ANKRD16: variants seen among roughly 807,000 people sequenced by gnomAD.
ANKRD16 encodes the protein ankyrin repeat domain 16, also known as ankyrin repeat domain-containing protein 16.
ANKRD16 carries 35 observed loss-of-function variants against 37.9 expected under a neutral mutation model. The observed-to-expected ratio is 0.92, with a 90% CI of 0.71 to 1.23. The LOEUF (loss-of-function observed/expected upper bound fraction) is 1.23, where lower values mean the gene tolerates loss of function less well. Among genes scored for constraint, ANKRD16 ranks in the 50% most tolerant of loss-of-function variants. The pLI is 0.00. For synonymous variants in ANKRD16, 206 were observed against 197.2 expected (o/e 1.04, Z -0.37); for missense variants, 480 against 469.9 (o/e 1.02, Z -0.20).
chr10:5,884,739 T>TAAAAAAAAAAA (rs34030686), intron 3 of ANKRD16, among the ~76,000 whole-genome samples: 3 of 120,150 alleles, frequency 2.5e-5, no homozygotes, highest in African/African-American at 6.4e-5. Context: ...TCTCAAAAAC[T>TAAAAAAAAAAA]AAAAAAAAAA....
chr10:5,876,176 G>A (rs962700797), intron 7 of ANKRD16, among the ~76,000 whole-genome samples: 5 of 152,172 alleles, frequency 3.3e-5, no homozygotes, highest in African/African-American at 4.8e-5. Flanking sequence ...GAGCCACCGC[G>A]CCCAGCCCAC....
rs1842062530 is a variant in ANKRD16 at position 5,869,933 on chromosome 10, A to G, written c.*34-7242T>C. 6.6e-6 allele frequency among the ~76,000 whole-genome samples: 1 copy of G among 151,994 alleles called. No homozygotes were observed. Among genetic ancestry groups the G allele is most frequent in the South Asian group, 2.1e-4 (1 of 4,816 alleles). Reference sequence around the variant, plus strand: ...TCACTTAGCATGGTATCCAGTAGGTAGTTTTTTTGACTGGCCCCCGCACCC... The same window carrying G: ...TCACTTAGCATGGTATCCAGTAGGTGGTTTTTTTGACTGGCCCCCGCACCC... On this transcript the variant is annotated intron_variant, in intron 7 of 7. Coordinates refer to ENST00000380094, the MANE Select transcript of ANKRD16 (RefSeq NM_019046.3). The surrounding 1 kb of genome is among the most constrained non-coding windows in gnomAD (Gnocchi z 4.0).
chr10:5,889,155 G>GT lies in ANKRD16; in HGVS notation c.199dup (p.Thr67AsnfsTer105). On this transcript the variant is annotated frameshift_variant, in exon 1 of 8. Transcript: ENST00000380094. LOFTEE classifies it high-confidence loss of function. ...CAGAGGCCGCTTGTAGTCTCGGTTG[G>GT]TGGCCTCGATGTCCATGCCCCAGGC... 6.3e-7 allele frequency: 1 copy of GT among 1,598,546 alleles called. No individual in the cohort carries two copies. The highest frequency in any genetic ancestry group is 8.5e-7 in the Non-Finnish European group (1 of 1,179,434).
In ANKRD16 at chr10:5,864,994, G is replaced by A. The variant is rs930861179; in HGVS notation, c.*34-2303C>T. On this transcript the variant is annotated intron_variant, in intron 7 of 7. Coordinates refer to ENST00000380094, the MANE Select transcript of ANKRD16 (RefSeq NM_019046.3). This position sits in a 1 kb window ranked among gnomAD's most constrained non-coding sequence, Gnocchi z 4.4. The stretch of plus-strand genomic sequence containing the variant: ...GATATCAGGAGAGAGCTCCAAAAGC[G>A]AGCCCTGGGCCCTGAACAAAATCTG... 1.3e-5 allele frequency among the ~76,000 whole-genome samples: 2 copies of A among 152,094 alleles called. No individual in the cohort carries two copies. The highest frequency in any genetic ancestry group is 4.8e-5 in the African/African-American group (2 of 41,380).
chr10:5,864,827 C>T lies in ANKRD16; in HGVS notation c.*34-2136G>A, dbSNP rs1396087143. On this transcript the variant is annotated intron_variant, in intron 7 of 7. Transcript: ENST00000380094. This position sits in a 1 kb window ranked among gnomAD's most constrained non-coding sequence, Gnocchi z 4.4. ...CTGTGAATTATTTGATGATGTCCACCATAACTCAGGGAAAGGAAGAAAATC... is the reference window on the plus strand; with the variant it reads ...CTGTGAATTATTTGATGATGTCCACTATAACTCAGGGAAAGGAAGAAAATC... Among the ~76,000 whole-genome samples, 1 of 152,144 alleles carries T rather than the reference C, an allele frequency of 6.6e-6. No homozygotes were observed. The highest frequency in any genetic ancestry group is 2.4e-5 in the African/African-American group (1 of 41,428).
At position 5,883,068 on chromosome 10, in the gene ANKRD16, C is replaced by G. The variant is rs1378519880; in HGVS notation, c.787G>C (p.Gly263Arg). ...EAIRFLVSEL[G>R]VDVDVRATST... ...GTGGCTCTCACATCTACATCGACGC[C>G]AAGTTCAGAGACCAAGAATCGGATG... Residue 263 changes from glycine (G) to arginine (R), a missense_variant, in exon 5 of 8, where the codon GGC becomes CGC. Transcript: ENST00000380094. The G allele has an allele frequency of 6.2e-7, 1 of 1,614,024 alleles. No individual in the cohort carries two copies. Among genetic ancestry groups the G allele is most frequent in the African/African-American group, 1.3e-5 (1 of 74,944 alleles).
At chr10:5,885,885 T>A in intron 2 of ANKRD16, 120 bp from the exon 3 acceptor site, 1 of 944,364 alleles carries the variant, frequency 1.1e-6, no homozygotes, top group Non-Finnish European at 1.6e-6. Flanking sequence ...AAGGAGTCAT[T>A]AAATTGGGTA....
rs896190422 is a variant in ANKRD16, at chr10:5,865,816, G to A, written c.*34-3125C>T. 6.6e-6 allele frequency among the ~76,000 whole-genome samples: 1 copy of A among 152,124 alleles called. No individual in the cohort carries two copies. The highest frequency in any genetic ancestry group is 1.5e-5 in the Non-Finnish European group (1 of 68,014). On this transcript the variant is annotated intron_variant, in intron 7 of 7. Coordinates refer to ENST00000380094, the MANE Select transcript of ANKRD16 (RefSeq NM_019046.3). The surrounding 1 kb of genome is among the most constrained non-coding windows in gnomAD (Gnocchi z 4.7). The stretch of plus-strand genomic sequence containing the variant: ...GAGGAGGGAATCAACCCTGAAGTCT[G>A]GGCATTGGAAGGAACAAACTCAAGC...
At position 5,889,058 on chromosome 10, in the gene ANKRD16, G is replaced by C. The variant is rs767566557; in HGVS notation, c.297C>G (p.Cys99Trp). The change falls in exon 1 of 8, where the codon TGC becomes TGG. Residue 99 changes from cysteine to tryptophan, a missense_variant. By Grantham distance (215) the Cys-to-Trp change is radical (BLOSUM62 -2). Transcript: ENST00000380094. Reference sequence around the variant, plus strand: ...ACACCTACCAGTCGGCCTTCTTCAGGCAGTCGACCGCTGCCCCCCGGCCCA... The same window carrying C: ...ACACCTACCAGTCGGCCTTCTTCAGCCAGTCGACCGCTGCCCCCCGGCCCA... ...YLLGRGAAVD[C>W]LKKADWTPLM... 1 of 1,551,966 alleles carries C rather than the reference G, an allele frequency of 6.4e-7. No homozygotes were observed. The highest frequency in any genetic ancestry group is 1.2e-5 in the South Asian group (1 of 86,616).
chr10:5,879,663 C>T (rs1352487592), intron 6 of ANKRD16, among the ~76,000 whole-genome samples: 2 of 151,982 alleles, frequency 1.3e-5, no homozygotes, highest in Non-Finnish European at 2.9e-5. Context: ...AGAATTGATA[C>T]GATACCTGGC....
In ANKRD16 at chr10:5,889,192, A is replaced by AG; in HGVS notation, c.162dup (p.Tyr55LeufsTer117). 6.3e-7 allele frequency: 1 copy of AG among 1,597,230 alleles called. No individual in the cohort carries two copies. Among genetic ancestry groups the AG allele is most frequent in the Non-Finnish European group, 8.5e-7 (1 of 1,179,056 alleles). On this transcript the variant is annotated frameshift_variant, in exon 1 of 8. Coordinates refer to ENST00000380094, the MANE Select transcript of ANKRD16 (RefSeq NM_019046.3). LOFTEE classifies it high-confidence loss of function. ...TCCATGCCCCAGGCCTCGGCCAGAT[A>AG]GGCCAGCACGTCCCGATGCCCGTGG...
rs1049298721 is a variant in ANKRD16 at position 5,865,021 on chromosome 10, A to T, written c.*34-2330T>A. Among the ~76,000 whole-genome samples the T allele has an allele frequency of 6.6e-6, 1 of 152,176 alleles. No homozygotes were observed. Among genetic ancestry groups the T allele is most frequent in the Non-Finnish European group, 1.5e-5 (1 of 68,034 alleles). On this transcript the variant is annotated intron_variant, in intron 7 of 7. Coordinates refer to ENST00000380094, the MANE Select transcript of ANKRD16 (RefSeq NM_019046.3). The surrounding 1 kb of genome is among the most constrained non-coding windows in gnomAD (Gnocchi z 4.7). ...GCCCTGGGCCCTGAACAAAATCTGG[A>T]GGCATTATTAAACCTGGCAACCTCT... is the stretch of plus-strand genomic sequence containing the variant.
intron 7 of ANKRD16, among the ~76,000 whole-genome samples, chr10:5,875,436 T>C (rs1425015254): frequency 6.6e-6 from 1 of 152,192 alleles, no homozygotes; most frequent in Non-Finnish European, 1.5e-5. Context: ...ATGGTACATT[T>C]GCTAATAGCA....
At chr10:5,876,284 C>T (rs533080291) in intron 7 of ANKRD16, among the ~76,000 whole-genome samples, 1 of 152,310 alleles carries the variant, frequency 6.6e-6, no homozygotes, top group African/African-American at 2.4e-5. Context: ...TGCGTGGAAT[C>T]TAGGAAAACC....
At position 5,863,321 on chromosome 10, in the gene ANKRD16, G is replaced by A. The variant is rs1211539232; in HGVS notation, c.*34-630C>T. Among the ~76,000 whole-genome samples, 1 of 152,044 alleles carries A rather than the reference G, an allele frequency of 6.6e-6. No individual in the cohort carries two copies. Among genetic ancestry groups the A allele is most frequent in the African/African-American group, 2.4e-5 (1 of 41,370 alleles). On this transcript the variant is annotated intron_variant, in intron 7 of 7. Transcript: ENST00000380094. The surrounding 1 kb of genome is among the most constrained non-coding windows in gnomAD (Gnocchi z 4.7). The stretch of plus-strand genomic sequence containing the variant: ...TACGCTCACAAAGTTAGAGGGCAGA[G>A]CTCATATTAAAGGTTCATACTGAGA...
chr10:5,883,895 A>G lies in ANKRD16; in HGVS notation c.687+74T>C, dbSNP rs914753819. Reference sequence around the variant, plus strand: ...AATGGAACCTGGGATCTGAGTAACAATGTGCTCTGCTTAACCTGTGACCTA... The same window carrying G: ...AATGGAACCTGGGATCTGAGTAACAGTGTGCTCTGCTTAACCTGTGACCTA... On this transcript the variant is annotated intron_variant, in intron 4 of 7. Transcript: ENST00000380094. 18 of 1,330,294 alleles carry G rather than the reference A, an allele frequency of 1.4e-5. No individual in the cohort carries two copies. The African/African-American group carries it at 2.2e-4, about 16-fold the overall frequency. The allele number at this position is 1,330,294 out of a possible 1,614,324, so 82.4% of individuals were successfully genotyped here.
At chr10:5,880,436 C>A in intron 5 of ANKRD16, 60 bp from the exon 6 acceptor site, 2 of 1,051,432 alleles carry the variant, frequency 1.9e-6, no homozygotes, top group South Asian at 1.6e-5. Context: ...TTTTGCAAAC[C>A]AAAAAGTATC....
chr10:5,879,426 C>T (rs1002351235), intron 6 of ANKRD16, among the ~76,000 whole-genome samples: 1 of 151,812 alleles, frequency 6.6e-6, no homozygotes, highest in African/African-American at 2.4e-5. Context: ...CAAGATCGTG[C>T]CACTGCCCTC....
rs1842002068 is a variant in ANKRD16, at chr10:5,865,609, C to A, written c.*34-2918G>T. Among the ~76,000 whole-genome samples the A allele has an allele frequency of 6.6e-6, 1 of 152,238 alleles. No homozygotes were observed. ...ACCATCCAAGGAATCCTGGGACAGCCTATAACCAGGTATTTCTCCCACCTC... is the reference window on the plus strand; with the variant it reads ...ACCATCCAAGGAATCCTGGGACAGCATATAACCAGGTATTTCTCCCACCTC... On this transcript the variant is annotated intron_variant, in intron 7 of 7. Coordinates refer to ENST00000380094, the MANE Select transcript of ANKRD16 (RefSeq NM_019046.3). This position sits in a 1 kb window ranked among gnomAD's most constrained non-coding sequence, Gnocchi z 4.7.
Sources: allele counts gnomAD v4.1 joint callset (sites outside exome capture counted in the v4.1 genomes callset), GRCh38; gene constraint gnomAD v4.1.1; non-coding constraint Gnocchi (gnomAD v3.1); transcripts MANE v1.5; gene names NCBI Gene and HGNC (gene_info 2026-07-23, HGNC 2026-07-21).